Variants in BPIFB4 observed in about 807,000 individuals in gnomAD.
BPIFB4 encodes BPI fold-containing family B member 4.
In BPIFB4, 62 loss-of-function variants were observed where a neutral mutation model predicts 69.2. The observed-to-expected ratio is 0.90, with a 90% confidence interval of 0.73 to 1.11. BPIFB4 has a LOEUF of 1.11. BPIFB4 is among the 50% of genes least tolerant of loss of function. The pLI is 0.00. For synonymous variants in BPIFB4, 330 were observed against 332.7 expected (o/e 0.99, Z 0.09); for missense variants, 789 against 792.0 (o/e 1.00, Z 0.04).
Position 33,085,016 on chromosome 20 carries a change from GA to G in BPIFB4, c.782+21del. On this transcript the variant is annotated intron_variant, in intron 6 of 17. Coordinates refer to ENST00000375483, the MANE Select transcript of BPIFB4 (RefSeq NM_182519.3). ...GAAGAGGTGCGTGCCCTTGGCCCTG[GA>G]GGGGTCCCCACCACCCTATGGCCCA... 1 of 1,606,198 alleles carries G rather than the reference GA, an allele frequency of 6.2e-7. No individual in the cohort carries two copies. The highest frequency in any genetic ancestry group is 1.1e-5 in the South Asian group (1 of 90,288).
At chr20:33,102,822 G>A in intron 14 of BPIFB4, 150 bp from the exon 15 acceptor site, 3 of 806,954 alleles carry the variant, frequency 3.7e-6, no homozygotes, top group Middle Eastern at 2.4e-4. Context: ...CGCTCAGCAT[G>A]TGAGAGCCAG....
intron 5 of BPIFB4, 129 bp from the exon 6 acceptor site, chr20:33,084,763 G>A (rs968196192): frequency 1.1e-5 from 16 of 1,441,978 alleles, no homozygotes; most frequent in African/African-American, 1.4e-5. Flanking sequence ...TTGAACTGCA[G>A]GTGTCTAGTG....
At chr20:33,086,830 G>A (rs1981444742) in intron 7 of BPIFB4, among the ~76,000 whole-genome samples, 1 of 152,140 alleles carries the variant, frequency 6.6e-6, no homozygotes, top group Admixed American at 6.5e-5. Flanking sequence ...TCATATACTG[G>A]CCAGCACGCT....
At chr20:33,107,679 C>T (rs565847010) in intron 16 of BPIFB4, 65 bp from the exon 17 acceptor site, 12 of 1,198,972 alleles carry the variant, frequency 1.0e-5, no homozygotes, top group East Asian at 2.3e-5. Context: ...CAAATACTGG[C>T]GGCTTCTGGT....
rs199856517 is a variant in BPIFB4, at chr20:33,097,705, C to T, written c.1487C>T (p.Ala496Val). 4.0e-4 allele frequency: 650 copies of T among 1,614,094 alleles called. 3 individuals carry two copies. The South Asian group carries it at 4.1e-3, about 10-fold the overall frequency. Residue 496 changes from alanine to valine, a missense_variant, in exon 13 of 18, where the codon GCG becomes GTG. Coordinates refer to ENST00000375483, the MANE Select transcript of BPIFB4 (RefSeq NM_182519.3). ...TCTGTGATGCTGCAGAAGGACAAAG[C>T]GCTGGTGAAGGTGTTGGCCACTGCC... ...PPSVMLQKDK[A>V]LVKVLATAEV...
At chr20:33,108,449 A>AT (rs1323233475) in intron 17 of BPIFB4, among the ~76,000 whole-genome samples, 1 of 149,440 alleles carries the variant, frequency 6.7e-6, no homozygotes. Context: ...ACATATATAC[A>AT]ATCCAGCAAT....
At chr20:33,089,593 G>A in intron 9 of BPIFB4, 35 bp downstream of exon 9, 1 of 1,614,114 alleles carries the variant, frequency 6.2e-7, no homozygotes, top group Non-Finnish European at 8.5e-7. Context: ...CCTGGGGAAG[G>A]CACTGAGGAC....
At chr20:33,089,737 C>T (rs1307926198) in intron 9 of BPIFB4, among the ~76,000 whole-genome samples, 179 bp downstream of exon 9, 2 of 151,142 alleles carry the variant, frequency 1.3e-5, no homozygotes, top group African/African-American at 2.4e-5. Flanking sequence ...ACACCCCCCC[C>T]GAGTACCAGA....
In BPIFB4 at chr20:33,097,731, G is replaced by A. The variant is rs1191459280; in HGVS notation, c.1513G>A (p.Glu505Lys). The change falls in exon 13 of 18, where the codon GAG becomes AAG. Residue 505 changes from glutamate to lysine, a missense_variant. Physicochemically the swap from Glu to Lys is moderately conservative, Grantham distance 56. Around this residue, in one of 3 missense-constraint regions of BPIFB4, gnomAD observed 170 missense variants for 193.6 expected, o/e 0.88. Coordinates refer to ENST00000375483, the MANE Select transcript of BPIFB4 (RefSeq NM_182519.3). ...GCTGGTGAAGGTGTTGGCCACTGCC[G>A]AGGTCATGGTCTCCCAGCCCAAAGA... is the stretch of plus-strand genomic sequence containing the variant. ...KALVKVLATA[E>K]VMVSQPKDLE... 1.1e-5 allele frequency: 18 copies of A among 1,614,032 alleles called. No homozygotes were observed. The highest frequency in any genetic ancestry group is 6.7e-5 in the Admixed American group (4 of 59,990).
At position 33,092,541 on chromosome 20, in the gene BPIFB4, G is replaced by T; in HGVS notation, c.1227G>T (p.Leu409=). The T allele has an allele frequency of 6.2e-7, 1 of 1,614,146 alleles. No homozygotes were observed. The highest frequency in any genetic ancestry group is 8.5e-7 in the Non-Finnish European group (1 of 1,180,020). Residue 409 remains leucine (L), a synonymous_variant, in exon 11 of 18, where the codon CTG becomes CTT. Coordinates refer to ENST00000375483, the MANE Select transcript of BPIFB4 (RefSeq NM_182519.3). ...PAVSPKPMPE[L]PPMGDNTKSQ... Reference sequence around the variant, plus strand: ...TGTCTCCCAAGCCGATGCCAGAGCTGCCTCCCATGGGTGACAACACCAAGT... The same window carrying T: ...TGTCTCCCAAGCCGATGCCAGAGCTTCCTCCCATGGGTGACAACACCAAGT...
chr20:33,108,986 C>T (rs1416604908), intron 17 of BPIFB4, among the ~76,000 whole-genome samples: 3 of 152,094 alleles, frequency 2.0e-5, no homozygotes, highest in Non-Finnish European at 2.9e-5. Flanking sequence ...CAGGGAACAG[C>T]CCCCTTCCCA....
chr20:33,108,349 C>A (rs1982129569), intron 17 of BPIFB4, among the ~76,000 whole-genome samples: 1 of 149,134 alleles, frequency 6.7e-6, no homozygotes, highest in African/African-American at 2.5e-5. Context: ...CTATAAAAAC[C>A]ACCCGTGCTC....
At chr20:33,091,072 T>C (rs1981586321) in intron 10 of BPIFB4, among the ~76,000 whole-genome samples, 2 of 152,192 alleles carry the variant, frequency 1.3e-5, no homozygotes, top group South Asian at 2.1e-4. Flanking sequence ...GCACTTCTTA[T>C]TGAGGAAACT....
intron 17 of BPIFB4, among the ~76,000 whole-genome samples, chr20:33,108,683 C>T (rs1982148020): frequency 1.3e-5 from 2 of 152,100 alleles, no homozygotes; most frequent in Admixed American, 1.3e-4. Flanking sequence ...ACTACCTACC[C>T]ATAGGGCTGC....
rs1217839523 is a variant in BPIFB4 at position 33,090,723 on chromosome 20, G to A, written c.1067G>A (p.Gly356Glu). 6.2e-7 allele frequency: 1 copy of A among 1,614,144 alleles called. No individual in the cohort carries two copies. Among genetic ancestry groups the A allele is most frequent in the Admixed American group, 1.7e-5 (1 of 60,022 alleles). The change falls in exon 10 of 18, where the codon GGG becomes GAG. Residue 356 changes from glycine to glutamate, a missense_variant. Coordinates refer to ENST00000375483, the MANE Select transcript of BPIFB4 (RefSeq NM_182519.3). ...TTGCCTGCAGCTCTGATTCCTCTGG[G>A]GATATTGGGAAGTGTCCAGTACACC... ...LGLVDSLIPL[G>E]ILGSVQYTFS...
chr20:33,105,531 T>G (rs949405238), intron 16 of BPIFB4, among the ~76,000 whole-genome samples: 2 of 152,160 alleles, frequency 1.3e-5, no homozygotes, highest in African/African-American at 4.8e-5. Flanking sequence ...GAAGGCTGCT[T>G]GTTGAACTAT....
At chr20:33,102,921 A>G (rs755221688) in intron 14 of BPIFB4, 51 bp from the exon 15 acceptor site, 1 of 1,581,628 alleles carries the variant, frequency 6.3e-7, no homozygotes, top group East Asian at 2.2e-5. Context: ...CAAGAGCCTT[A>G]TGATTTTCAG....
chr20:33,098,334 C>T (rs1456212550), intron 13 of BPIFB4, among the ~76,000 whole-genome samples: 1 of 152,144 alleles, frequency 6.6e-6, no homozygotes, highest in African/African-American at 2.4e-5. Context: ...CTACTTGACA[C>T]TGGGGAAAGG....
At chr20:33,098,566 G>A (rs1234423148) in intron 13 of BPIFB4, among the ~76,000 whole-genome samples, 2 of 151,936 alleles carry the variant, frequency 1.3e-5, no homozygotes, top group Non-Finnish European at 2.9e-5. Context: ...TCAACATGGT[G>A]AAACTCTGCC....
Sources: allele counts gnomAD v4.1 joint callset (sites outside exome capture counted in the v4.1 genomes callset), GRCh38; gene constraint gnomAD v4.1.1; regional missense constraint gnomAD v4.1.1; transcripts MANE v1.5; gene names NCBI Gene and HGNC (gene_info 2026-07-23, HGNC 2026-07-21).